CDH2: variants seen among roughly 807,000 people sequenced by gnomAD.
CDH2 encodes cadherin 2.
CDH2 carries 17 observed loss-of-function variants against 92.0 expected under a neutral mutation model. That is an observed-to-expected ratio of 0.18 (90% confidence interval 0.13 to 0.28). The LOEUF (loss-of-function observed/expected upper bound fraction) is 0.28, where lower values mean the gene tolerates loss of function less well. CDH2 is among the 10% of genes least tolerant of loss of function. The pLI is 1.00. For synonymous variants in CDH2, 419 were observed against 415.9 expected, an observed-to-expected ratio of 1.01 and a Z score of -0.09; for missense variants, 862 against 1,133.1, an observed-to-expected ratio of 0.76 and a Z score of 3.44.
At chr18:28,117,863 C>T (rs1388880787) in intron 2 of CDH2, among the ~76,000 whole-genome samples, 1 of 152,056 alleles carries the variant, frequency 6.6e-6, no homozygotes, top group Non-Finnish European at 1.5e-5. Context: ...AGTTGCCTGA[C>T]TCCTAGACTA....
chr18:28,149,655 G>A (rs939558066), intron 1 of CDH2, among the ~76,000 whole-genome samples: 3 of 152,142 alleles, frequency 2.0e-5, no homozygotes, highest in Admixed American at 1.3e-4. Context: ...AAGAAGAAAA[G>A]GAAAACAGCA....
chr18:28,134,850 CCT>C (rs1346799988), intron 2 of CDH2, among the ~76,000 whole-genome samples: 1 of 151,998 alleles, frequency 6.6e-6, no homozygotes, highest in African/African-American at 2.4e-5. Flanking sequence ...TGATGTGTAC[CCT>C]GACTAGCAAC....
intron 1 of CDH2, among the ~76,000 whole-genome samples, chr18:28,157,342 C>T (rs1401843530): frequency 1.3e-5 from 2 of 152,328 alleles, no homozygotes; most frequent in East Asian, 3.9e-4. Context: ...ATATCAGTGA[C>T]TGCAAATATT....
intron 2 of CDH2, among the ~76,000 whole-genome samples, chr18:28,137,457 TA>T (rs1260260793): frequency 2.6e-5 from 4 of 152,144 alleles, no homozygotes; most frequent in Non-Finnish European, 5.9e-5. Flanking sequence ...ACTTTCTCCT[TA>T]TAAGTGAGCA....
chr18:27,963,318 A>G, intron 15 of CDH2, 39 bp downstream of exon 15: 2 of 1,598,150 alleles, frequency 1.3e-6, no homozygotes, highest in Non-Finnish European at 1.7e-6. Flanking sequence ...TTAGCATGAA[A>G]TGAAAACTCT....
At chr18:28,113,676 C>A (rs996031654) in intron 2 of CDH2, among the ~76,000 whole-genome samples, 2 of 151,862 alleles carry the variant, frequency 1.3e-5, no homozygotes, top group African/African-American at 4.8e-5. Flanking sequence ...GAATCCTCTT[C>A]CTTGGAATAC....
At chr18:28,129,866 C>T (rs1282197111) in intron 2 of CDH2, among the ~76,000 whole-genome samples, 1 of 152,104 alleles carries the variant, frequency 6.6e-6, no homozygotes, top group Admixed American at 6.6e-5. Context: ...TCCCAGTAAA[C>T]ATAATTTATA....
intron 2 of CDH2, among the ~76,000 whole-genome samples, chr18:28,075,045 G>C (rs746363976): frequency 6.6e-5 from 10 of 152,132 alleles, no homozygotes; most frequent in Non-Finnish European, 1.2e-4. Flanking sequence ...TCTGTTAACA[G>C]AGTATCCTAT....
intron 2 of CDH2, among the ~76,000 whole-genome samples, chr18:28,060,382 T>C (rs1166274080): frequency 6.6e-6 from 1 of 152,166 alleles, no homozygotes; most frequent in Non-Finnish European, 1.5e-5. Context: ...AGACGAGGTT[T>C]CACCATGTTG....
Position 27,990,320 on chromosome 18 carries a change from C to A in CDH2, c.1375G>T (p.Val459Phe). 6.2e-7 allele frequency: 1 copy of A among 1,613,446 alleles called. No homozygotes were observed. Among genetic ancestry groups the A allele is most frequent in the Non-Finnish European group, 8.5e-7 (1 of 1,179,496 alleles). ...TGATTTTCTGCAGCAACAGTAAGGA[C>A]AAACATCCTATTTGTTTCAAAGTCG... The part of the protein sequence containing the change: ...PIDFETNRMF[V>F]LTVAAENQVP... Residue 459 changes from valine (V) to phenylalanine (F), a missense_variant, in exon 10 of 16, where the codon GTC (valine) becomes TTC (phenylalanine). Transcript: ENST00000269141.
chr18:28,089,261 G>C (rs2014994004), intron 2 of CDH2, among the ~76,000 whole-genome samples: 1 of 151,988 alleles, frequency 6.6e-6, no homozygotes, highest in Non-Finnish European at 1.5e-5. Flanking sequence ...TAATTTTCTA[G>C]AAAAAAGATT....
At chr18:28,109,505 C>A (rs1328520994) in intron 2 of CDH2, among the ~76,000 whole-genome samples, 1 of 152,130 alleles carries the variant, frequency 6.6e-6, no homozygotes, top group Non-Finnish European at 1.5e-5. Context: ...GGCCACACCT[C>A]TGTTACATTA....
chr18:28,077,804 T>C (rs1186163598), intron 2 of CDH2, among the ~76,000 whole-genome samples: 2 of 144,420 alleles, frequency 1.4e-5, no homozygotes, highest in Non-Finnish European at 3.0e-5. Flanking sequence ...GGCAGGAGAA[T>C]TGCTTGAACC....
At chr18:28,176,421 A>G (rs927948051) in intron 1 of CDH2, among the ~76,000 whole-genome samples, 48 of 152,274 alleles carry the variant, frequency 3.2e-4, no homozygotes, top group Admixed American at 1.9e-3. Flanking sequence ...GCAACTCCAG[A>G]CTGGGATAAA....
chr18:27,970,453 A>G (rs2011629446), intron 14 of CDH2, among the ~76,000 whole-genome samples: 1 of 152,250 alleles, frequency 6.6e-6, no homozygotes, highest in Admixed American at 6.5e-5. Context: ...ATGGTGGCAG[A>G]GCATCAAAAT....
chr18:28,089,969 T>C (rs1053895598), intron 2 of CDH2, among the ~76,000 whole-genome samples: 3 of 152,206 alleles, frequency 2.0e-5, no homozygotes, highest in Admixed American at 2.0e-4. Context: ...ACTGTTTTAT[T>C]ACATCCTTAG....
chr18:28,113,762 A>G (rs991055039), intron 2 of CDH2, among the ~76,000 whole-genome samples: 2 of 152,184 alleles, frequency 1.3e-5, no homozygotes, highest in Non-Finnish European at 2.9e-5. Flanking sequence ...CAATACTGCT[A>G]TAAATTCCTT....
intron 1 of CDH2, among the ~76,000 whole-genome samples, chr18:28,158,378 A>G (rs2016254219): frequency 6.6e-6 from 1 of 152,236 alleles, no homozygotes; most frequent in South Asian, 2.1e-4. Flanking sequence ...GAGAGGTTGC[A>G]GAGCTAATAT....
intron 2 of CDH2, among the ~76,000 whole-genome samples, chr18:28,098,512 T>C (rs2015174203): frequency 6.6e-6 from 1 of 152,132 alleles, no homozygotes; most frequent in African/African-American, 2.4e-5. Context: ...CATTGGCTGT[T>C]GATTTGTTAA....
Sources: gnomAD v4.1 joint callset for allele counts (sites outside exome capture counted in the v4.1 genomes callset) on GRCh38, gnomAD v4.1.1 for gene constraint, MANE v1.5 for transcripts, NCBI Gene and HGNC (gene_info 2026-07-23, HGNC 2026-07-21) for gene names.